The following AXIN1 variants were observed in gnomAD, a reference collection of about 807,000 sequenced individuals.
AXIN1 encodes the protein axin 1, also known as axin-1.
AXIN1 carries 30 observed loss-of-function variants against 76.4 expected under a neutral mutation model. The observed-to-expected ratio is 0.39, with a 90% CI of 0.29 to 0.53. AXIN1 has a LOEUF of 0.53. Among genes scored for constraint, AXIN1 ranks in the 20% least tolerant of loss-of-function variants. The pLI, the probability that AXIN1 is intolerant of heterozygous loss-of-function variation, is 0.66. For missense variants in AXIN1, 1,140 were observed against 1,198.8 expected (o/e 0.95, Z 0.72); for synonymous variants, 545 against 501.4 (o/e 1.09, Z -1.16).
intron 5 of AXIN1, among the ~76,000 whole-genome samples, chr16:298,699 G>A (rs761834234): frequency 2.6e-5 from 4 of 152,070 alleles, no homozygotes; most frequent in Non-Finnish European, 5.9e-5. Context: ...GGGGACAGAT[G>A]CGATTCTCAC....
intron 6 of AXIN1, 30 bp downstream of exon 6, chr16:297,692 C>A (rs1195182445): frequency 1.3e-6 from 2 of 1,577,054 alleles, no homozygotes; most frequent in Admixed American, 1.8e-5. Flanking sequence ...TCACCCCAAG[C>A]CCCCTCCTCA....
At chr16:288,438 G>A (rs780233812) in intron 10 of AXIN1, 190 bp from the exon 11 acceptor site, 8 of 813,954 alleles carry the variant, frequency 9.8e-6, no homozygotes, top group Middle Eastern at 3.5e-4. Context: ...GGGTGAAGTG[G>A]GCAGCCATGG....
intron 4 of AXIN1, among the ~76,000 whole-genome samples, chr16:305,009 G>C (rs768116374): frequency 1.1e-4 from 17 of 152,184 alleles, no homozygotes; most frequent in Non-Finnish European, 1.8e-4. Context: ...GCCTGAGCAG[G>C]GCAGCTTCAG....
In AXIN1 at chr16:291,298, C is replaced by A. The variant is rs1461736230; in HGVS notation, c.2187-1G>T. 1 of 1,574,310 alleles carries A rather than the reference C, an allele frequency of 6.4e-7. No individual in the cohort carries two copies. The highest frequency in any genetic ancestry group is 1.2e-5 in the South Asian group (1 of 86,316). Reference sequence around the variant, plus strand: ...CCGCCGCATAACCTCCTGCACATACCTAGGGAACAACCCGCGTCAAAGGTG... The same window carrying A: ...CCGCCGCATAACCTCCTGCACATACATAGGGAACAACCCGCGTCAAAGGTG... On this transcript the variant is annotated splice_acceptor_variant, in intron 8 of 10. Transcript: ENST00000262320. LOFTEE classifies it high-confidence loss of function.
At chr16:342,584 G>A (rs995090674) in intron 2 of AXIN1, among the ~76,000 whole-genome samples, 1 of 152,172 alleles carries the variant, frequency 6.6e-6, no homozygotes. Context: ...CGTCTGTCTG[G>A]GTGGAGAACC....
At position 346,137 on chromosome 16, in the gene AXIN1, G is replaced by A. The variant is rs373646104; in HGVS notation, c.878+11C>T. 9.9e-6 allele frequency: 16 copies of A among 1,612,456 alleles called. No homozygotes were observed. In the East Asian group the frequency reaches 1.3e-4, roughly 13 times the overall value. ...TGAGTACAGAAAGTGGACGCCTGGC[G>A]TCGGACTCACCTGAACTCTCTGCCT... is the stretch of plus-strand genomic sequence containing the variant. On this transcript the variant is annotated intron_variant, in intron 2 of 10. Coordinates refer to ENST00000262320, the MANE Select transcript of AXIN1 (RefSeq NM_003502.4).
chr16:289,764 T>C, intron 9 of AXIN1, 157 bp from the exon 10 acceptor site: 1 of 878,630 alleles, frequency 1.1e-6, no homozygotes, highest in South Asian at 1.6e-5. Context: ...CCGCACAGCA[T>C]CTCAATCTGG....
chr16:290,802 C>T, intron 9 of AXIN1: 1 of 374,158 alleles, frequency 2.7e-6, no homozygotes, highest in Non-Finnish European at 5.2e-6. Flanking sequence ...CCGGGCACCT[C>T]AGCACCTGCA....
At chr16:328,904 A>C (rs912816123) in intron 2 of AXIN1, among the ~76,000 whole-genome samples, 1 of 151,990 alleles carries the variant, frequency 6.6e-6, no homozygotes, top group East Asian at 1.9e-4. Context: ...GATGGCGGGC[A>C]GGGAGGGTCT....
intron 2 of AXIN1, among the ~76,000 whole-genome samples, chr16:327,633 G>GCCA (rs1397309290): frequency 6.6e-6 from 1 of 152,254 alleles, no homozygotes; most frequent in East Asian, 1.9e-4. Context: ...AGCCCTGGCA[G>GCCA]CCACCCACAC....
intron 2 of AXIN1, among the ~76,000 whole-genome samples, chr16:314,967 G>A (rs2053267551): frequency 6.6e-6 from 1 of 152,218 alleles, no homozygotes; most frequent in African/African-American, 2.4e-5. Context: ...GTGATCATTT[G>A]GGTTTGTTTT....
chr16:303,412 A>G lies in AXIN1; in HGVS notation c.1254+892T>C, dbSNP rs560762443. On this transcript the variant is annotated intron_variant, in intron 5 of 10. Coordinates refer to ENST00000262320, the MANE Select transcript of AXIN1 (RefSeq NM_003502.4). ...TTTTTTTTTTTTGAGGTAGAGTTTCACTCTTGTCATCCAGGCTGGAGGGCA... is the reference window on the plus strand; with the variant it reads ...TTTTTTTTTTTTGAGGTAGAGTTTCGCTCTTGTCATCCAGGCTGGAGGGCA... Among the ~76,000 whole-genome samples the G allele has an allele frequency of 1.8e-3, 269 of 146,990 alleles. 1 individual carries two copies. Among genetic ancestry groups the G allele is most frequent in the African/African-American group, 6.4e-3 (255 of 39,712 alleles).
chr16:346,039 G>T, intron 2 of AXIN1, 109 bp downstream of exon 2: 1 of 1,069,092 alleles, frequency 9.4e-7, no homozygotes, highest in Non-Finnish European at 1.4e-6. Context: ...CCCAGCGGCA[G>T]CAGGACATCC....
intron 2 of AXIN1, among the ~76,000 whole-genome samples, chr16:333,701 G>A (rs545350814): frequency 1.3e-5 from 2 of 152,066 alleles, no homozygotes; most frequent in East Asian, 3.9e-4. Flanking sequence ...TTATGGGGGG[G>A]GTGCCACCCA....
intron 2 of AXIN1, among the ~76,000 whole-genome samples, chr16:320,891 C>A (rs2053437258): frequency 6.6e-6 from 1 of 151,728 alleles, no homozygotes; most frequent in Admixed American, 6.6e-5. Context: ...AGGCACACGT[C>A]ACCACGCCCG....
At chr16:348,757 G>A (rs761988468) in intron 1 of AXIN1, among the ~76,000 whole-genome samples, 3 of 151,872 alleles carry the variant, frequency 2.0e-5, no homozygotes, top group Non-Finnish European at 2.9e-5. Context: ...AGCTATAATC[G>A]CACCCCACTG....
At chr16:349,109 T>A (rs1597131829) in intron 1 of AXIN1, among the ~76,000 whole-genome samples, 1 of 147,460 alleles carries the variant, frequency 6.8e-6, no homozygotes. Flanking sequence ...CTCAAAAAAA[T>A]AAAATAAAAT....
chr16:302,328 T>C (rs1466770487), intron 5 of AXIN1, among the ~76,000 whole-genome samples: 1 of 152,230 alleles, frequency 6.6e-6, no homozygotes, highest in Non-Finnish European at 1.5e-5. Flanking sequence ...ACCTGTGCCC[T>C]ACCCAGATGA....
Position 289,487 on chromosome 16 carries a change from G to A in AXIN1, c.2415C>T (p.Val805=), listed in dbSNP as rs146847696. 3.4e-5 allele frequency: 55 copies of A among 1,612,832 alleles called. No homozygotes were observed. The African/African-American group carries it at 6.4e-4, about 19-fold the overall frequency. The change falls in exon 10 of 11, where the codon GTC becomes GTT. Residue 805 remains valine (V), a synonymous_variant. Transcript: ENST00000262320. ...GCAGCTCCTTGAACTGGCCCAGGGT[G>A]ACAGCGCGGCCCCTCACCAGGGTGC... ...PYRTLVRGRA[V]TLGQFKELLT...
Sources: allele counts gnomAD v4.1 joint callset (sites outside exome capture counted in the v4.1 genomes callset), GRCh38; gene constraint gnomAD v4.1.1; transcripts MANE v1.5; gene names NCBI Gene and HGNC (gene_info 2026-07-23, HGNC 2026-07-21).